The following ANXA4 variants were observed in gnomAD, a reference collection of about 807,000 sequenced individuals.
ANXA4 encodes the protein annexin A4, also known as 35-beta calcimedin.
ANXA4 carries 39 observed loss-of-function variants against 49.8 expected under a neutral mutation model. That is an observed-to-expected ratio of 0.78 (90% CI 0.61 to 1.02). The LOEUF is 1.02. Ranked by LOEUF, ANXA4 falls within the 50% of genes least tolerant of loss-of-function variation. ANXA4 has a pLI of 0.00. For synonymous variants in ANXA4, 134 were observed against 152.5 expected (o/e 0.88, Z 0.89); for missense variants, 360 against 410.1 (o/e 0.88, Z 1.05).
chr2:69,657,315 CT>C (rs1161599716), intron 2 of ANXA4, among the ~76,000 whole-genome samples: 8 of 152,110 alleles, frequency 5.3e-5, no homozygotes, highest in Non-Finnish European at 1.0e-4. Context: ...TTTTTAACAC[CT>C]TGTACTCGCT....
At chr2:69,792,544 A>G (rs753197114) in intron 3 of ANXA4, among the ~76,000 whole-genome samples, 5 of 152,160 alleles carry the variant, frequency 3.3e-5, no homozygotes, top group Non-Finnish European at 5.9e-5. Context: ...AAAAAACCAT[A>G]TAATGCCCTT....
At chr2:69,781,289 C>G in intron 1 of ANXA4, 2 of 567,700 alleles carry the variant, frequency 3.5e-6, no homozygotes, top group Non-Finnish European at 6.3e-6. Flanking sequence ...TATCTCCAAA[C>G]AGAAGAACAG....
At chr2:69,695,536 C>A (rs1453572988) in intron 2 of ANXA4, among the ~76,000 whole-genome samples, 1 of 152,188 alleles carries the variant, frequency 6.6e-6, no homozygotes, top group African/African-American at 2.4e-5. Context: ...TAAAACAACA[C>A]CCGCATGCTC....
At chr2:69,657,399 C>T (rs1307013750) in intron 2 of ANXA4, among the ~76,000 whole-genome samples, 3 of 149,316 alleles carry the variant, frequency 2.0e-5, no homozygotes, top group African/African-American at 7.8e-5. Context: ...TTTCTGGCAT[C>T]TTATAAATAC....
chr2:69,727,196 G>T (rs987275822), intron 3 of ANXA4, among the ~76,000 whole-genome samples: 3 of 152,210 alleles, frequency 2.0e-5, no homozygotes, highest in Admixed American at 1.3e-4. Flanking sequence ...TGATGGACAT[G>T]TAAATTATTT....
intron 2 of ANXA4, among the ~76,000 whole-genome samples, chr2:69,717,826 TG>T (rs1296228401): frequency 2.0e-5 from 3 of 152,180 alleles, no homozygotes; most frequent in Non-Finnish European, 4.4e-5. Context: ...TGGATCCCTA[TG>T]GGCCTTGGCT....
intron 1 of ANXA4, among the ~76,000 whole-genome samples, chr2:69,769,091 AG>A (rs1671611428): frequency 6.6e-6 from 1 of 152,250 alleles, no homozygotes; most frequent in Non-Finnish European, 1.5e-5. Flanking sequence ...TTATATCTGA[AG>A]CAAGTTGATG....
At chr2:69,697,258 A>G (rs1275349311) in intron 2 of ANXA4, among the ~76,000 whole-genome samples, 1 of 152,212 alleles carries the variant, frequency 6.6e-6, no homozygotes, top group Non-Finnish European at 1.5e-5. Context: ...TATGTTATAG[A>G]GATGGCTTCT....
intron 2 of ANXA4, among the ~76,000 whole-genome samples, chr2:69,782,890 T>TA (rs11422025): frequency 0.36 from 54,132 of 152,024 alleles, 10,868 homozygotes; most frequent in East Asian, 0.51. Flanking sequence ...TATTATTTAT[T>TA]GACAGATAAA....
At chr2:69,802,995 A>G (rs1323374465) in intron 3 of ANXA4, among the ~76,000 whole-genome samples, 2 of 151,846 alleles carry the variant, frequency 1.3e-5, no homozygotes, top group Non-Finnish European at 2.9e-5. Flanking sequence ...TCAGGAGTTC[A>G]AGACCAGCCT....
chr2:69,688,887 C>T (rs1285008903), intron 2 of ANXA4, among the ~76,000 whole-genome samples: 1 of 152,162 alleles, frequency 6.6e-6, no homozygotes, highest in Non-Finnish European at 1.5e-5. Context: ...GGCCATTTCT[C>T]CAAAGAGTCC....
chr2:69,783,459 C>T (rs574847778), intron 2 of ANXA4, among the ~76,000 whole-genome samples: 2 of 152,318 alleles, frequency 1.3e-5, no homozygotes, highest in Non-Finnish European at 2.9e-5. Context: ...TCATGATCTG[C>T]CCGCCTCGGC....
At chr2:69,784,612 T>C (rs1228326724) in intron 2 of ANXA4, among the ~76,000 whole-genome samples, 2 of 152,240 alleles carry the variant, frequency 1.3e-5, no homozygotes, top group African/African-American at 4.8e-5. Flanking sequence ...ATAAAGTATT[T>C]GCAAAAGTAA....
chr2:69,812,528 C>G, intron 7 of ANXA4, 125 bp from the exon 8 acceptor site: 1 of 728,130 alleles, frequency 1.4e-6, no homozygotes, highest in East Asian at 2.7e-5. Context: ...TCCTCCCTCC[C>G]TGGGTCTGAA....
chr2:69,686,608 A>G (rs1677796905), intron 2 of ANXA4, among the ~76,000 whole-genome samples: 1 of 152,134 alleles, frequency 6.6e-6, no homozygotes, highest in Non-Finnish European at 1.5e-5. Flanking sequence ...GTGCCCCACC[A>G]TGCTTGGCTA....
intron 3 of ANXA4, among the ~76,000 whole-genome samples, chr2:69,721,592 T>C (rs1669812592): frequency 6.6e-6 from 1 of 151,964 alleles, no homozygotes; most frequent in Admixed American, 6.6e-5. Context: ...TCCCATATAC[T>C]TGGGAGGCTA....
chr2:69,661,753 G>GT (rs945067360), intron 2 of ANXA4, among the ~76,000 whole-genome samples: 2 of 151,920 alleles, frequency 1.3e-5, no homozygotes, highest in East Asian at 1.9e-4. Context: ...GGGTAAGAGA[G>GT]TTTTTTTTGC....
chr2:69,723,941 G>A (rs528904426), intron 3 of ANXA4, among the ~76,000 whole-genome samples: 14 of 152,140 alleles, frequency 9.2e-5, no homozygotes, highest in South Asian at 4.1e-4. Context: ...ACCTAGGCCC[G>A]AAAGCTAAAA....
intron 2 of ANXA4, among the ~76,000 whole-genome samples, chr2:69,718,754 TAC>T (rs574961611): frequency 9.0e-4 from 129 of 143,394 alleles, no homozygotes; most frequent in East Asian, 5.0e-3. Context: ...CATACATGCA[TAC>T]ACACACATAC....
Sources: gnomAD v4.1 joint callset for allele counts (sites outside exome capture counted in the v4.1 genomes callset) on GRCh38, gnomAD v4.1.1 for gene constraint, MANE v1.5 for transcripts, NCBI Gene and HGNC (gene_info 2026-07-23, HGNC 2026-07-21) for gene names.